Variants in TLE2 observed in about 807,000 individuals in gnomAD.
TLE2 encodes the protein transducin-like enhancer protein 2.
A neutral mutation model predicts 97.2 loss-of-function variants in TLE2; 74 were observed. The observed-to-expected ratio is 0.76, with a 90% CI of 0.63 to 0.92. The LOEUF (loss-of-function observed/expected upper bound fraction) is 0.92. Among genes scored for constraint, TLE2 ranks in the 40% least tolerant of loss-of-function variants. The pLI is 0.00. For synonymous variants in TLE2, 499 were observed against 432.1 expected (o/e 1.15, Z -1.92); for missense variants, 1,038 against 1,008.7 (o/e 1.03, Z -0.39).
chr19:3,004,701 T>C lies in TLE2; in HGVS notation c.1896+736A>G, dbSNP rs1057074645. Among the ~76,000 whole-genome samples the C allele has an allele frequency of 3.3e-5, 5 of 151,408 alleles. 1 individual carries two copies. Among genetic ancestry groups the C allele is most frequent in the Admixed American group, 6.6e-5 (1 of 15,162 alleles). On this transcript the variant is annotated intron_variant, in intron 17 of 19. Transcript: ENST00000262953. The stretch of plus-strand genomic sequence containing the variant: ...GGAGGAGGGGCAAATGAGATGGGTC[T>C]TGAGGGATGAATAGGAGTTTGCCAA...
chr19:3,005,732 C>T lies in TLE2; in HGVS notation c.1737G>A (p.Gln579=). ...CACCTGCCACCCACCTGACCATAGT[C>T]TGATTCTGCAGGTCCCAGACCACAA... The part of the protein sequence containing the change: ...GNIVVWDLQN[Q]TMVRQFQGHT... Residue 579 remains glutamine, a synonymous_variant, in exon 16 of 20, where the codon CAG becomes CAA. Transcript: ENST00000262953. The T allele has an allele frequency of 6.2e-7, 1 of 1,613,656 alleles. No individual in the cohort carries two copies. The highest frequency in any genetic ancestry group is 8.5e-7 in the Non-Finnish European group (1 of 1,179,672).
Position 3,009,689 on chromosome 19 carries a change from G to A in TLE2, c.1026C>T (p.Pro342=). ...TGGTGAAGGGACTGGACAGAGTCAG[G>A]GGGCTCCTCAGGGCTGAGACGGAAG... ...PSTDSVALRS[P]LTLSSPFTTS... Residue 342 remains proline (P), a synonymous_variant, in exon 13 of 20, where the codon CCC becomes CCT. Transcript: ENST00000262953. The A allele has an allele frequency of 1.9e-6, 3 of 1,611,678 alleles. No individual in the cohort carries two copies. The highest frequency in any genetic ancestry group is 1.1e-5 in the South Asian group (1 of 90,512).
rs774882893 is a variant in TLE2 at position 3,025,097 on chromosome 19, T to A, written c.232-15A>T. Reference sequence around the variant, plus strand: ...ACAATCTCCGCCTGGCAGGAAGCAATGAGAGGAAGCTTGGAGCGGGGTAGA... The same window carrying A: ...ACAATCTCCGCCTGGCAGGAAGCAAAGAGAGGAAGCTTGGAGCGGGGTAGA... On this transcript the variant is annotated splice_polypyrimidine_tract_variant and intron_variant, in intron 4 of 19. Coordinates refer to ENST00000262953, the MANE Select transcript of TLE2 (RefSeq NM_003260.5). 1.9e-6 allele frequency: 3 copies of A among 1,595,122 alleles called. No homozygotes were observed. Among genetic ancestry groups the A allele is most frequent in the Non-Finnish European group, 2.6e-6 (3 of 1,170,752 alleles).
chr19:3,036,352 T>C (rs10417381), intron 1 of TLE2, among the ~76,000 whole-genome samples: 51,405 of 152,182 alleles, frequency 0.34, 10,092 homozygotes, highest in African/African-American at 0.55. Flanking sequence ...CTCCCGCCCG[T>C]CGCCTCCCTC....
intron 15 of TLE2, 116 bp downstream of exon 15, chr19:3,006,304 A>G: frequency 6.9e-7 from 1 of 1,456,164 alleles, no homozygotes; most frequent in Non-Finnish European, 9.3e-7. Flanking sequence ...CTCACCTATA[A>G]GCCCCGCCCT....
chr19:3,029,590 G>C (rs2145217072), upstream of TLE2: 1 of 531,116 alleles, frequency 1.9e-6, no homozygotes, highest in Non-Finnish European at 2.4e-6. Context: ...GCGGGGACCA[G>C]TCTGGAGTCG....
At chr19:3,015,939 CTGTTT>C (rs67167576) in intron 8 of TLE2, 179 bp from the exon 9 acceptor site, 43,196 of 689,358 alleles carry the variant, frequency 0.063, 1,749 homozygotes, top group South Asian at 0.1. Flanking sequence ...GTTCTCTCTT[CTGTTT>C]TGTTTTGTTT....
At chr19:3,006,337 C>T (rs577882652) in intron 15 of TLE2, 83 bp downstream of exon 15, 85 of 1,533,494 alleles carry the variant, frequency 5.5e-5, no homozygotes, top group Non-Finnish European at 7.0e-5. Context: ...CCACCCACGG[C>T]CAGCCTGCGA....
upstream of TLE2, among the ~76,000 whole-genome samples, chr19:3,046,866 T>C (rs1444246088): frequency 6.7e-6 from 1 of 148,652 alleles, no homozygotes; most frequent in African/African-American, 2.5e-5. Context: ...TCCCCTCTGG[T>C]CCCATCCAAG....
intron 1 of TLE2, among the ~76,000 whole-genome samples, chr19:3,041,109 C>T: frequency 3.5e-5 from 5 of 141,654 alleles, no homozygotes. Flanking sequence ...TTACTGCAAC[C>T]TCCACCTCCC....
intron 18 of TLE2, among the ~76,000 whole-genome samples, chr19:3,001,353 G>A (rs1254157477): frequency 2.0e-5 from 3 of 152,042 alleles, no homozygotes; most frequent in South Asian, 2.1e-4. Context: ...GGCCTCAAGC[G>A]ATCCTCCCAC....
intron 1 of TLE2, among the ~76,000 whole-genome samples, chr19:3,037,953 C>G (rs2090074017): frequency 6.6e-6 from 1 of 151,976 alleles, no homozygotes; most frequent in African/African-American, 2.4e-5. Flanking sequence ...GAAACCCCAT[C>G]TATACTAAAA....
rs4061734 is a variant in TLE2, at chr19:3,000,824, CTTTTT to C, written c.2048-106_2048-102del. 127 of 505,138 alleles carry C rather than the reference CTTTTT, an allele frequency of 2.5e-4. 1 individual carries two copies. The highest frequency in any genetic ancestry group is 1.6e-3 in the South Asian group (68 of 43,782). The allele number at this position is 505,138 out of a possible 1,614,324, so 31.3% of individuals were successfully genotyped here. ...AGCTGGGTCTGGGTCTGGCCTCTCC[CTTTTT>C]TTTTTTTTTTTTCCAAGAAAGGGTC... On this transcript the variant is annotated intron_variant, in intron 18 of 19. Coordinates refer to ENST00000262953, the MANE Select transcript of TLE2 (RefSeq NM_003260.5).
chr19:3,046,170 G>A (rs1232530600), upstream of TLE2, among the ~76,000 whole-genome samples: 1 of 152,182 alleles, frequency 6.6e-6, no homozygotes, highest in African/African-American at 2.4e-5. Context: ...GCAATGTTCT[G>A]ATGTCCGTGG....
chr19:3,000,705 G>C lies in TLE2; in HGVS notation c.2066C>G (p.Thr689Ser), dbSNP rs2089337912. The C allele has an allele frequency of 6.3e-7, 1 of 1,591,728 alleles. No individual in the cohort carries two copies. Among genetic ancestry groups the C allele is most frequent in the South Asian group, 1.1e-5 (1 of 87,212 alleles). The change falls in exon 19 of 20, where the codon ACC (threonine) becomes AGC (serine). Residue 689 changes from threonine (T) to serine (S), a missense_variant. Transcript: ENST00000262953. ...GGCGTTGAGCAGGTTGTCCTTCCCGGTGCTCACAAACCACCGTCCTTGGGG... is the reference window on the plus strand; with the variant it reads ...GGCGTTGAGCAGGTTGTCCTTCCCGCTGCTCACAAACCACCGTCCTTGGGG... ...FASCGRWFVSTGKDNLLNAWR... is the reference protein window; with the variant it reads ...FASCGRWFVSSGKDNLLNAWR...
Position 3,028,981 on chromosome 19 carries a change from G to A in TLE2, c.-77C>T, listed in dbSNP as rs539463589. 161 of 1,562,792 alleles carry A rather than the reference G, an allele frequency of 1.0e-4. No individual in the cohort carries two copies. In the African/African-American group the frequency reaches 2.1e-3, roughly 21 times the overall value. On this transcript the variant is annotated 5_prime_UTR_variant, in exon 1 of 20. Coordinates refer to ENST00000262953, the MANE Select transcript of TLE2 (RefSeq NM_003260.5). ...GGCGGCAAGAGTGGGGGAGGCTGAA[G>A]TGGGGTGGTGGGGAGGCTGCCCGAA...
chr19:3,041,014 T>TATATATACATATATATATATATA (rs55998855), intron 1 of TLE2, among the ~76,000 whole-genome samples: 2 of 20,168 alleles, frequency 9.9e-5, no homozygotes, highest in African/African-American at 4.2e-4. Context: ...TATATATATA[T>TATATATACATATATATATATATA]TTTTTTTTTT....
At position 3,025,007 on chromosome 19, in the gene TLE2, C is replaced by G. The variant is rs566954357; in HGVS notation, c.294+13G>C. On this transcript the variant is annotated intron_variant, in intron 5 of 19. Transcript: ENST00000262953. ...TCCCTTCCCCTCCTCCCCCCACCCC[C>G]AGGCCCACTCACCTCCTGGGTCAGG... is the stretch of plus-strand genomic sequence containing the variant. The G allele has an allele frequency of 5.7e-5, 91 of 1,586,876 alleles. No homozygotes were observed. The highest frequency in any genetic ancestry group is 7.5e-5 in the Non-Finnish European group (87 of 1,167,076).
In TLE2 at chr19:3,029,202, G is replaced by A; in HGVS notation, c.-298C>T. The stretch of plus-strand genomic sequence containing the variant: ...CGGCAGCCGGCGCAGAAGGTCGGGC[G>A]CGCCGCGGCCGGGTTTCGGTGGCGG... On this transcript the variant is annotated 5_prime_UTR_variant, in exon 1 of 20. Coordinates refer to ENST00000262953, the MANE Select transcript of TLE2 (RefSeq NM_003260.5). 5 of 541,330 alleles carry A rather than the reference G, an allele frequency of 9.2e-6. No individual in the cohort carries two copies. The highest frequency in any genetic ancestry group is 1.2e-5 in the Non-Finnish European group (5 of 427,518). The allele number at this position is 541,330 out of a possible 1,614,324, so 33.5% of individuals were successfully genotyped here.
Sources: allele counts gnomAD v4.1 joint callset (sites outside exome capture counted in the v4.1 genomes callset), GRCh38; gene constraint gnomAD v4.1.1; transcripts MANE v1.5; gene names NCBI Gene and HGNC (gene_info 2026-07-23, HGNC 2026-07-21).